KCNH7: variants seen among roughly 807,000 people sequenced by gnomAD.
KCNH7 encodes potassium voltage-gated channel subfamily H member 7, also known as voltage-gated inwardly rectifying potassium channel KCNH7.
KCNH7 carries 49 observed loss-of-function variants against 120.8 expected under a neutral mutation model. The ratio of observed to expected loss-of-function variants is 0.41; its 90% CI spans 0.32 to 0.51. The LOEUF (loss-of-function observed/expected upper bound fraction) is 0.51, where lower values mean the gene tolerates loss of function less well. Among genes scored for constraint, KCNH7 ranks in the 20% least tolerant of loss-of-function variants. The pLI is 0.38. For synonymous variants in KCNH7, 547 were observed against 516.1 expected (o/e 1.06, Z -0.81); for missense variants, 1,097 against 1,446.6 (o/e 0.76, Z 3.92).
At chr2:162,450,897 A>G (rs1688745934) in intron 6 of KCNH7, among the ~76,000 whole-genome samples, 8 of 151,988 alleles carry the variant, frequency 5.3e-5, no homozygotes, top group Admixed American at 5.3e-4. Context: ...AGGTGGCAGA[A>G]ATTGAGAGGA....
chr2:162,628,933 A>G (rs1683656843), intron 2 of KCNH7, among the ~76,000 whole-genome samples: 1 of 152,120 alleles, frequency 6.6e-6, no homozygotes, highest in Non-Finnish European at 1.5e-5. Flanking sequence ...GACAGAACAC[A>G]TAGGATTATC....
At chr2:162,457,709 T>A (rs1689015098) in intron 6 of KCNH7, among the ~76,000 whole-genome samples, 1 of 152,172 alleles carries the variant, frequency 6.6e-6, no homozygotes, top group African/African-American at 2.4e-5. Flanking sequence ...AGGTGTTGGT[T>A]GAAGCTGCTC....
At chr2:162,756,837 G>T (rs999906470) in intron 2 of KCNH7, among the ~76,000 whole-genome samples, 5 of 152,140 alleles carry the variant, frequency 3.3e-5, no homozygotes, top group African/African-American at 9.7e-5. Flanking sequence ...TATACACAGG[G>T]TGTTTCTAAA....
At chr2:162,784,827 T>A (rs1352814360) in intron 2 of KCNH7, 2 of 152,242 alleles carry the variant, frequency 1.3e-5, no homozygotes, top group East Asian at 3.8e-4. Context: ...TTGGATACAC[T>A]ATTGTTTTGG....
intron 2 of KCNH7, among the ~76,000 whole-genome samples, chr2:162,755,330 G>A (rs1688750507): frequency 6.6e-6 from 1 of 152,072 alleles, no homozygotes; most frequent in Non-Finnish European, 1.5e-5. Flanking sequence ...AAATTAGCCA[G>A]GTTTGGTGGT....
chr2:162,528,632 A>G (rs922177534), intron 3 of KCNH7, among the ~76,000 whole-genome samples: 1 of 152,086 alleles, frequency 6.6e-6, no homozygotes, highest in Middle Eastern at 3.4e-3. Flanking sequence ...TGATAGGCGG[A>G]TTGTATTATC....
chr2:162,737,480 A>G (rs1687956708), intron 2 of KCNH7, among the ~76,000 whole-genome samples: 1 of 152,164 alleles, frequency 6.6e-6, no homozygotes, highest in Non-Finnish European at 1.5e-5. Context: ...AGGTTCTGCT[A>G]TCATTTGGGT....
chr2:162,519,960 G>GT (rs1326341855), intron 3 of KCNH7, among the ~76,000 whole-genome samples: 2 of 151,468 alleles, frequency 1.3e-5, no homozygotes, highest in Non-Finnish European at 1.5e-5. Context: ...CCAGTGGATG[G>GT]TTTTTTTCTA....
chr2:162,416,186 C>A (rs1317041137), intron 9 of KCNH7, among the ~76,000 whole-genome samples: 1 of 151,600 alleles, frequency 6.6e-6, no homozygotes, highest in Non-Finnish European at 1.5e-5. Context: ...GTCAGGAGTT[C>A]GTATGGTGAA....
intron 4 of KCNH7, among the ~76,000 whole-genome samples, chr2:162,515,244 G>A (rs746117896): frequency 4.0e-5 from 6 of 151,706 alleles, no homozygotes; most frequent in Admixed American, 3.3e-4. Flanking sequence ...GGGAAAAATC[G>A]AGGATGATCT....
At chr2:162,515,476 A>ATTTTT (rs1691251316) in intron 4 of KCNH7, among the ~76,000 whole-genome samples, 1 of 151,798 alleles carries the variant, frequency 6.6e-6, no homozygotes, top group South Asian at 2.1e-4. Context: ...TGATTTTCAA[A>ATTTTT]TTTGTTGTTT....
chr2:162,798,641 G>C (rs1220356790), intron 2 of KCNH7, among the ~76,000 whole-genome samples: 1 of 151,986 alleles, frequency 6.6e-6, no homozygotes, highest in Non-Finnish European at 1.5e-5. Flanking sequence ...GTTTGTGTTT[G>C]ATTCTGTCAC....
chr2:162,750,309 C>T (rs182920531), intron 2 of KCNH7, among the ~76,000 whole-genome samples: 1 of 144,568 alleles, frequency 6.9e-6, no homozygotes, highest in Non-Finnish European at 1.5e-5. Context: ...AACTTTTAAT[C>T]TCACAGAGAA....
At chr2:162,447,907 A>G (rs1475930793) in intron 6 of KCNH7, among the ~76,000 whole-genome samples, 2 of 152,126 alleles carry the variant, frequency 1.3e-5, no homozygotes, top group Non-Finnish European at 2.9e-5. Flanking sequence ...TAAAATAGGC[A>G]AAGCTGCTTT....
chr2:162,771,110 G>A (rs1337932081), intron 2 of KCNH7, among the ~76,000 whole-genome samples: 1 of 152,046 alleles, frequency 6.6e-6, no homozygotes, highest in Non-Finnish European at 1.5e-5. Flanking sequence ...CTATTGTAGT[G>A]TCTACAGATC....
chr2:162,750,989 T>C (rs1688519685), intron 2 of KCNH7, among the ~76,000 whole-genome samples: 1 of 152,154 alleles, frequency 6.6e-6, no homozygotes, highest in South Asian at 2.1e-4. Flanking sequence ...CCAAGACTAG[T>C]TCCCTTATAT....
intron 3 of KCNH7, among the ~76,000 whole-genome samples, chr2:162,530,726 A>T (rs1475268788): frequency 6.6e-6 from 1 of 151,652 alleles, no homozygotes; most frequent in East Asian, 2.0e-4. Flanking sequence ...TTTATTCTTT[A>T]TTTTTTTTAA....
intron 2 of KCNH7, among the ~76,000 whole-genome samples, chr2:162,616,450 T>C (rs954629793): frequency 7.9e-5 from 12 of 152,222 alleles, no homozygotes; most frequent in African/African-American, 2.9e-4. Context: ...CTTTTATCCT[T>C]GTGTGTCACT....
intron 2 of KCNH7, among the ~76,000 whole-genome samples, chr2:162,696,286 T>C (rs1234656450): frequency 1.3e-5 from 2 of 152,130 alleles, no homozygotes; most frequent in Non-Finnish European, 2.9e-5. Flanking sequence ...GCAAAAATAT[T>C]TTATGAATGT....
Sources: gnomAD v4.1 joint callset for allele counts (sites outside exome capture counted in the v4.1 genomes callset) on GRCh38, gnomAD v4.1.1 for gene constraint, MANE v1.5 for transcripts, NCBI Gene and HGNC (gene_info 2026-07-23, HGNC 2026-07-21) for gene names.